SLAIN1: variants seen among roughly 807,000 people sequenced by gnomAD.
The protein encoded by SLAIN1 is SLAIN family member 1.
A neutral mutation model predicts 55.4 loss-of-function variants in SLAIN1; 17 were observed. That is an observed-to-expected ratio of 0.31 (90% CI 0.21 to 0.46). The LOEUF (loss-of-function observed/expected upper bound fraction) is 0.46, where lower values mean the gene tolerates loss of function less well. Among genes scored for constraint, SLAIN1 ranks in the 20% least tolerant of loss-of-function variants. SLAIN1 has a pLI of 1.00. For missense variants in SLAIN1, 682 were observed against 785.1 expected (o/e 0.87, Z 1.57); for synonymous variants, 348 against 337.4 (o/e 1.03, Z -0.35).
intron 2 of SLAIN1, among the ~76,000 whole-genome samples, chr13:77,725,747 G>A (rs1404115652): frequency 2.0e-5 from 3 of 152,082 alleles, no homozygotes; most frequent in African/African-American, 7.2e-5. Flanking sequence ...CTTTACCCTA[G>A]GCCGTTAGCC....
rs892719780 is a variant in SLAIN1 at position 77,698,322 on chromosome 13, T to A, written c.409T>A (p.Cys137Ser). 4.1e-6 allele frequency: 6 copies of A among 1,448,210 alleles called. No homozygotes were observed. The African/African-American group carries it at 8.9e-5, about 21-fold the overall frequency. The allele number at this position is 1,448,210 out of a possible 1,614,324, so 89.7% of individuals were successfully genotyped here. The change falls in exon 1 of 7, where the codon TGC (cysteine) becomes AGC (serine). Residue 137 changes from cysteine (C) to serine (S), a missense_variant. Physicochemically the swap from Cys to Ser is moderately radical, Grantham distance 112. Coordinates refer to ENST00000418532, the MANE Select transcript of SLAIN1 (RefSeq NM_001242868.2). This position sits in a 1 kb window ranked among gnomAD's most constrained non-coding sequence, Gnocchi z 4.1. ...GCCTAGCCCCGCGCCCTCCCTGCTT[T>A]GCAGCCTGGCGCAGCCACCCGAGGC... ...CLPSPAPSLL[C>S]SLAQPPEAPF...
At chr13:77,741,490 A>G in intron 2 of SLAIN1, 1 of 934,032 alleles carries the variant, frequency 1.1e-6, no homozygotes, top group Non-Finnish European at 1.3e-6. Flanking sequence ...TCAATTGGCA[A>G]CCAGGCTTCA....
At position 77,715,948 on chromosome 13, in the gene SLAIN1, G is replaced by C. The variant is rs150715341; in HGVS notation, c.627-3584G>C. On this transcript the variant is annotated intron_variant, in intron 1 of 6. Coordinates refer to ENST00000418532, the MANE Select transcript of SLAIN1 (RefSeq NM_001242868.2). ...GTCCAATTGATGTTTTTTCTTTTAT[G>C]GATCATATTTTCAGTCTTATAAATT... 1.6e-3 allele frequency among the ~76,000 whole-genome samples: 236 copies of C among 152,062 alleles called. No individual in the cohort carries two copies. The Middle Eastern group carries it at 0.017, about 11-fold the overall frequency.
chr13:77,733,628 G>A (rs914803681), intron 2 of SLAIN1, among the ~76,000 whole-genome samples: 2 of 152,064 alleles, frequency 1.3e-5, no homozygotes, highest in Non-Finnish European at 2.9e-5. Flanking sequence ...TGATTGAATC[G>A]TCCCTAAGAC....
chr13:77,712,560 G>A (rs770990309), intron 1 of SLAIN1, among the ~76,000 whole-genome samples: 1 of 152,078 alleles, frequency 6.6e-6, no homozygotes, highest in Admixed American at 6.5e-5. Flanking sequence ...AAATCAGAGC[G>A]GACACAAACA....
At chr13:77,719,041 G>C (rs926501593) in intron 1 of SLAIN1, among the ~76,000 whole-genome samples, 2 of 152,066 alleles carry the variant, frequency 1.3e-5, no homozygotes, top group Non-Finnish European at 2.9e-5. Flanking sequence ...GATTATGTAA[G>C]GGTTCAAAGA....
In SLAIN1 at chr13:77,698,543, C is replaced by A; in HGVS notation, c.626+4C>A. The A allele has an allele frequency of 7.0e-7, 1 of 1,422,460 alleles. No homozygotes were observed. The highest frequency in any genetic ancestry group is 1.5e-5 in the South Asian group (1 of 66,614). The allele number at this position is 1,422,460 out of a possible 1,614,324, so 88.1% of individuals were successfully genotyped here. ...GGGACGAGGACGACTACACCTGGTA[C>A]TGCCTGGCTCCGCTCCTTCCCCGAG... On this transcript the variant is annotated splice_donor_region_variant and intron_variant, in intron 1 of 6. Coordinates refer to ENST00000418532, the MANE Select transcript of SLAIN1 (RefSeq NM_001242868.2). The surrounding 1 kb of genome is among the most constrained non-coding windows in gnomAD (Gnocchi z 4.1).
chr13:77,725,462 C>G (rs927316327), intron 2 of SLAIN1, among the ~76,000 whole-genome samples: 3 of 152,180 alleles, frequency 2.0e-5, no homozygotes, highest in African/African-American at 7.2e-5. Flanking sequence ...ATGCTTTTGT[C>G]TCTCATACTC....
intron 1 of SLAIN1, among the ~76,000 whole-genome samples, chr13:77,702,376 G>T (rs1007972680): frequency 6.6e-6 from 1 of 152,116 alleles, no homozygotes; most frequent in Non-Finnish European, 1.5e-5. Context: ...AGCTCAAAGG[G>T]ACTAAAATAT....
At chr13:77,718,781 C>CTT (rs2091232723) in intron 1 of SLAIN1, among the ~76,000 whole-genome samples, 1 of 152,024 alleles carries the variant, frequency 6.6e-6, no homozygotes, top group South Asian at 2.1e-4. Flanking sequence ...CAAGATAAAC[C>CTT]TTTCTGTATA....
chr13:77,736,360 C>T (rs980363563), intron 2 of SLAIN1, among the ~76,000 whole-genome samples: 3 of 152,092 alleles, frequency 2.0e-5, no homozygotes, highest in Non-Finnish European at 2.9e-5. Context: ...CTTTCCAAGG[C>T]TGTTCCCCCT....
chr13:77,712,471 A>G (rs1201037698), intron 1 of SLAIN1, among the ~76,000 whole-genome samples: 2 of 152,224 alleles, frequency 1.3e-5, no homozygotes, highest in Non-Finnish European at 2.9e-5. Context: ...AATTGCTACA[A>G]AGAGAATAAA....
chr13:77,740,437 T>A (rs1394841934), intron 2 of SLAIN1, among the ~76,000 whole-genome samples: 1 of 151,918 alleles, frequency 6.6e-6, no homozygotes, highest in Non-Finnish European at 1.5e-5. Flanking sequence ...ATTCAGTGTG[T>A]AGTCCTGTTT....
At chr13:77,725,777 CAAGTTAGCCACGGTGGT>C (rs1168113009) in intron 2 of SLAIN1, among the ~76,000 whole-genome samples, 2 of 152,080 alleles carry the variant, frequency 1.3e-5, no homozygotes, top group African/African-American at 4.8e-5. Context: ...TTCTTGGCTG[CAAGTTAGCCACGGTGGT>C]AAGTTAGCCG....
chr13:77,712,263 G>A (rs1049141286), intron 1 of SLAIN1, among the ~76,000 whole-genome samples: 1 of 152,172 alleles, frequency 6.6e-6, no homozygotes, highest in Admixed American at 6.5e-5. Flanking sequence ...CAAATAGGAA[G>A]AGAGGAAGTC....
At chr13:77,749,089 A>G (rs1408278312) in intron 4 of SLAIN1, among the ~76,000 whole-genome samples, 2 of 152,192 alleles carry the variant, frequency 1.3e-5, no homozygotes, top group Admixed American at 1.3e-4. Context: ...AAAAACTGAA[A>G]TAAGAATGGT....
chr13:77,752,868 A>G (rs55865561), intron 4 of SLAIN1, among the ~76,000 whole-genome samples: 3,314 of 152,292 alleles, frequency 0.022, 106 homozygotes, highest in African/African-American at 0.075. Flanking sequence ...GTGCCTATCC[A>G]GATGGAGGGT....
intron 1 of SLAIN1, among the ~76,000 whole-genome samples, chr13:77,718,975 A>C (rs1166662156): frequency 2.6e-5 from 4 of 152,162 alleles, no homozygotes; most frequent in Non-Finnish European, 5.9e-5. Flanking sequence ...GTTTGGCTTT[A>C]ATGAAAAAGA....
chr13:77,729,969 G>T (rs2091342184), intron 2 of SLAIN1, among the ~76,000 whole-genome samples: 1 of 152,066 alleles, frequency 6.6e-6, no homozygotes, highest in African/African-American at 2.4e-5. Context: ...AGGTGAGGAA[G>T]AGTGTCCCAG....
Sources: gnomAD v4.1 joint callset for allele counts (sites outside exome capture counted in the v4.1 genomes callset) on GRCh38, gnomAD v4.1.1 for gene constraint, Gnocchi (gnomAD v3.1) non-coding constraint, MANE v1.5 for transcripts, NCBI Gene and HGNC (gene_info 2026-07-23, HGNC 2026-07-21) for gene names.